The following RAP1GAP2 variants were observed in gnomAD, a reference collection of about 807,000 sequenced individuals.
RAP1GAP2 encodes rap1 GTPase-activating protein 2.
Under a neutral mutation model 95.0 loss-of-function variants are expected in RAP1GAP2, and 27 were observed. The ratio of observed to expected loss-of-function variants is 0.28; its 90% CI spans 0.21 to 0.39. The LOEUF is 0.39. Ranked by LOEUF, RAP1GAP2 falls within the 10% of genes least tolerant of loss-of-function variation. RAP1GAP2 has a pLI of 1.00. For missense variants in RAP1GAP2, 771 were observed against 970.0 expected (o/e 0.79, Z 2.72); for synonymous variants, 373 against 380.9 (o/e 0.98, Z 0.24).
chr17:2,791,023 G>T (rs2068910736), intron 1 of RAP1GAP2, among the ~76,000 whole-genome samples: 1 of 152,186 alleles, frequency 6.6e-6, no homozygotes, highest in African/African-American at 2.4e-5. Context: ...AGGCCAACAT[G>T]GCAAAACCCC....
At position 2,866,391 on chromosome 17, in the gene RAP1GAP2, C is replaced by T. The variant is rs866240721; in HGVS notation, c.81-38893C>T. Among the ~76,000 whole-genome samples the T allele has an allele frequency of 3.3e-5, 5 of 152,160 alleles. No individual in the cohort carries two copies. Among genetic ancestry groups the T allele is most frequent in the Admixed American group, 6.5e-5 (1 of 15,276 alleles). ...GGCTGTGGGAGGCTTCCCTGCTCCC[C>T]GCCTCCCCTAGACTCAGGGCAGTTG... On this transcript the variant is annotated intron_variant, in intron 2 of 24. Coordinates refer to ENST00000254695, the MANE Select transcript of RAP1GAP2 (RefSeq NM_015085.5). The surrounding 1 kb of genome is among the most constrained non-coding windows in gnomAD (Gnocchi z 4.0).
At chr17:3,018,352 C>T (rs1298648718) in intron 18 of RAP1GAP2, among the ~76,000 whole-genome samples, 154 bp downstream of exon 18, 2 of 150,350 alleles carry the variant, frequency 1.3e-5, no homozygotes, top group Admixed American at 6.7e-5. Flanking sequence ...GGGGGTGACC[C>T]TGACCCCTGA....
At chr17:2,890,752 T>A (rs1467308583) in intron 2 of RAP1GAP2, among the ~76,000 whole-genome samples, 1 of 151,038 alleles carries the variant, frequency 6.6e-6, no homozygotes, top group Non-Finnish European at 1.5e-5. Context: ...TGGCGCAATC[T>A]TGGCTCACTG....
intron 2 of RAP1GAP2, among the ~76,000 whole-genome samples, chr17:2,859,589 C>T (rs1234146853): frequency 6.6e-6 from 1 of 151,924 alleles, no homozygotes; most frequent in Non-Finnish European, 1.5e-5. Flanking sequence ...GTGTCCGTCA[C>T]AACACCCAGC....
At chr17:2,760,626 C>A (rs2071228506) in intron 1 of RAP1GAP2, among the ~76,000 whole-genome samples, 1 of 151,720 alleles carries the variant, frequency 6.6e-6, no homozygotes, top group African/African-American at 2.4e-5. Flanking sequence ...CAGGCGTGAG[C>A]CACCGCGCCT....
chr17:2,786,716 G>T (rs1597305397), intron 1 of RAP1GAP2, among the ~76,000 whole-genome samples: 1 of 151,550 alleles, frequency 6.6e-6, no homozygotes, highest in East Asian at 1.9e-4. Flanking sequence ...GTGGTCTCGG[G>T]CTCACTGCAC....
intron 2 of RAP1GAP2, among the ~76,000 whole-genome samples, chr17:2,863,398 CA>C (rs111497448): frequency 2.0e-5 from 3 of 152,270 alleles, no homozygotes; most frequent in African/African-American, 7.2e-5. Flanking sequence ...CAGAGTCCTC[CA>C]GGGCTGGGCA....
intron 1 of RAP1GAP2, among the ~76,000 whole-genome samples, chr17:2,760,572 C>T (rs978047819): frequency 4.1e-5 from 6 of 145,366 alleles, no homozygotes; most frequent in Non-Finnish European, 7.8e-5. Flanking sequence ...AACTCCTGAC[C>T]TCAGGTGATC....
chr17:2,788,294 T>C (rs975774287), intron 1 of RAP1GAP2, among the ~76,000 whole-genome samples: 1 of 151,992 alleles, frequency 6.6e-6, no homozygotes, highest in South Asian at 2.1e-4. Flanking sequence ...TTTTGTGGGG[T>C]TTTTTTGTTT....
intron 3 of RAP1GAP2, among the ~76,000 whole-genome samples, chr17:2,932,920 G>A (rs2043202407): frequency 6.6e-6 from 1 of 151,878 alleles, no homozygotes; most frequent in South Asian, 2.1e-4. Context: ...AAACCCAGAA[G>A]CTTCTTCAGC....
intron 1 of RAP1GAP2, among the ~76,000 whole-genome samples, chr17:2,758,506 G>A (rs2071190429): frequency 6.6e-6 from 1 of 152,038 alleles, no homozygotes; most frequent in African/African-American, 2.4e-5. Flanking sequence ...AATTGGGTTT[G>A]GGGTCACCCC....
chr17:2,889,863 G>GTATATATATATATATATATATATA (rs748546441), intron 2 of RAP1GAP2, among the ~76,000 whole-genome samples: 1 of 79,862 alleles, frequency 1.3e-5, no homozygotes, highest in African/African-American at 5.1e-5. Context: ...TTATGTGTGT[G>GTATATATATATATATATATATATA]TATATATATA....
chr17:2,804,712 T>C (rs183219987), intron 2 of RAP1GAP2, among the ~76,000 whole-genome samples: 1 of 152,162 alleles, frequency 6.6e-6, no homozygotes, highest in East Asian at 1.9e-4. Flanking sequence ...GAAGCAAGGA[T>C]TTACTTAACT....
At chr17:2,763,533 TA>T (rs376728713) in intron 1 of RAP1GAP2, among the ~76,000 whole-genome samples, 3 of 151,848 alleles carry the variant, frequency 2.0e-5, no homozygotes, top group African/African-American at 7.3e-5. Flanking sequence ...CTGTCTCTAC[TA>T]AAAATGCACA....
Position 3,033,855 on chromosome 17 carries a change from G to T in RAP1GAP2, c.*494G>T, listed in dbSNP as rs2047400878. Reference sequence around the variant, plus strand: ...ACGCACTCGGTGGTGGAGGCCCCATGTTCCCAGGAGCCAAGATTCGTAGCA... The same window carrying T: ...ACGCACTCGGTGGTGGAGGCCCCATTTTCCCAGGAGCCAAGATTCGTAGCA... On this transcript the variant is annotated 3_prime_UTR_variant, in exon 25 of 25. Coordinates refer to ENST00000254695, the MANE Select transcript of RAP1GAP2 (RefSeq NM_015085.5). This position sits in a 1 kb window ranked among gnomAD's most constrained non-coding sequence, Gnocchi z 4.9. 2 of 152,270 alleles carry T rather than the reference G, an allele frequency of 1.3e-5. No homozygotes were observed. The highest frequency in any genetic ancestry group is 4.8e-5 in the African/African-American group (2 of 41,436). 9.4% of individuals were successfully genotyped at this position (152,270 alleles called of 1,614,324 possible). A position where few individuals can be genotyped will look rare whatever the true frequency, so the allele number is the denominator to read the frequency against.
intron 3 of RAP1GAP2, among the ~76,000 whole-genome samples, chr17:2,939,541 G>A (rs999824953): frequency 1.3e-5 from 2 of 152,178 alleles, no homozygotes; most frequent in Non-Finnish European, 2.9e-5. Context: ...GAAAATTGAG[G>A]CCCCCACCAA....
chr17:2,975,810 C>T (rs1461889909), intron 8 of RAP1GAP2, among the ~76,000 whole-genome samples: 2 of 152,222 alleles, frequency 1.3e-5, no homozygotes, highest in African/African-American at 2.4e-5. Context: ...TAGTTAGACC[C>T]GTTTCATCTT....
chr17:2,983,665 G>GT (rs986866429), intron 10 of RAP1GAP2, among the ~76,000 whole-genome samples: 4 of 152,164 alleles, frequency 2.6e-5, no homozygotes, highest in Admixed American at 6.5e-5. Context: ...ACACACCAAG[G>GT]TTTTTTTCCT....
intron 1 of RAP1GAP2, among the ~76,000 whole-genome samples, chr17:2,763,831 T>G (rs1467319057): frequency 6.6e-6 from 1 of 152,050 alleles, no homozygotes; most frequent in Non-Finnish European, 1.5e-5. Flanking sequence ...GCCGGGGCTG[T>G]ATTCCACCAG....
Sources: gnomAD v4.1 joint callset for allele counts (sites outside exome capture counted in the v4.1 genomes callset) on GRCh38, gnomAD v4.1.1 for gene constraint, Gnocchi (gnomAD v3.1) non-coding constraint, MANE v1.5 for transcripts, NCBI Gene and HGNC (gene_info 2026-07-23, HGNC 2026-07-21) for gene names.